THSD7B: variants seen among roughly 807,000 people sequenced by gnomAD.
The protein encoded by THSD7B is thrombospondin type-1 domain-containing protein 7B.
THSD7B carries 138 observed loss-of-function variants against 213.6 expected under a neutral mutation model. The observed-to-expected ratio is 0.65, with a 90% CI of 0.56 to 0.74. The LOEUF is 0.74. Ranked by LOEUF, THSD7B falls within the 30% of genes least tolerant of loss-of-function variation. The pLI is 0.00. For missense variants in THSD7B, 1,931 were observed against 1,991.5 expected, an observed-to-expected ratio of 0.97 and a Z score of 0.58; for synonymous variants, 742 against 687.0, an observed-to-expected ratio of 1.08 and a Z score of -1.25.
At chr2:137,334,277 C>T (rs1048115671) in intron 12 of THSD7B, among the ~76,000 whole-genome samples, 5 of 151,902 alleles carry the variant, frequency 3.3e-5, no homozygotes, top group Admixed American at 3.3e-4. Context: ...GAGAGAAGTA[C>T]ATTTGGCAAA....
At chr2:137,624,778 C>A (rs563759433) in intron 20 of THSD7B, among the ~76,000 whole-genome samples, 1 of 152,250 alleles carries the variant, frequency 6.6e-6, no homozygotes, top group East Asian at 1.9e-4. Context: ...CAATGAGATA[C>A]CATCTCACAC....
chr2:137,557,652 G>T (rs1573706902), intron 15 of THSD7B, among the ~76,000 whole-genome samples: 2 of 152,088 alleles, frequency 1.3e-5, no homozygotes, highest in African/African-American at 4.8e-5. Flanking sequence ...ACAATTAAAA[G>T]AACTAGAAAA....
chr2:137,585,923 G>C (rs547525586), intron 17 of THSD7B, among the ~76,000 whole-genome samples: 4 of 152,284 alleles, frequency 2.6e-5, no homozygotes, highest in Middle Eastern at 3.4e-3. Context: ...TCTGTCTAAT[G>C]TTGACAGTGG....
At position 137,667,517 on chromosome 2, in the gene THSD7B, A is replaced by G. The variant is rs116939802; in HGVS notation, c.4652-257A>G. On this transcript the variant is annotated intron_variant, in intron 26 of 27. Transcript: ENST00000409968. ...AACATTTAAGGTTTTTTTCATAGAC[A>G]TAATTTCTAGTAGGAAACCCGTATT... Among the ~76,000 whole-genome samples, 9 of 152,336 alleles carry G rather than the reference A, an allele frequency of 5.9e-5. No individual in the cohort carries two copies. In the East Asian group the frequency reaches 1.7e-3, roughly 29 times the overall value.
At chr2:137,376,612 C>A (rs1055698721) in intron 12 of THSD7B, among the ~76,000 whole-genome samples, 2 of 152,180 alleles carry the variant, frequency 1.3e-5, no homozygotes, top group Admixed American at 1.3e-4. Flanking sequence ...CATATTTATT[C>A]TTTCTACCTG....
intron 10 of THSD7B, among the ~76,000 whole-genome samples, chr2:137,263,524 C>A (rs1018782334): frequency 6.6e-6 from 1 of 151,980 alleles, no homozygotes; most frequent in Non-Finnish European, 1.5e-5. Context: ...GCTTCTGTTG[C>A]AAAATGAATG....
chr2:137,612,628 C>CA (rs1008780090), intron 17 of THSD7B, among the ~76,000 whole-genome samples: 2 of 151,990 alleles, frequency 1.3e-5, no homozygotes, highest in African/African-American at 2.4e-5. Context: ...AGTTCTATTG[C>CA]AAAAAATCCT....
intron 4 of THSD7B, among the ~76,000 whole-genome samples, chr2:137,110,477 G>T (rs970755726): frequency 6.6e-6 from 1 of 152,134 alleles, no homozygotes; most frequent in Non-Finnish European, 1.5e-5. Context: ...TGAGTTATTA[G>T]CATTCCCTTT....
chr2:137,604,394 G>C (rs6430733), intron 17 of THSD7B, among the ~76,000 whole-genome samples: 43,124 of 151,900 alleles, frequency 0.28, 6,585 homozygotes, highest in South Asian at 0.41. Context: ...CTCTATAGCA[G>C]CAGTTTTGAG....
intron 1 of THSD7B, among the ~76,000 whole-genome samples, chr2:136,860,380 A>G (rs1019278658): frequency 6.6e-6 from 1 of 152,098 alleles, no homozygotes; most frequent in African/African-American, 2.4e-5. Flanking sequence ...GCTGTCCTCT[A>G]AACTCCAGGC....
chr2:137,462,432 G>A (rs542772705), intron 15 of THSD7B, among the ~76,000 whole-genome samples: 4 of 152,146 alleles, frequency 2.6e-5, no homozygotes, highest in East Asian at 3.9e-4. Context: ...CCAAGTAGCC[G>A]TCAAATGCTG....
At chr2:137,254,318 T>C (rs1682255447) in intron 10 of THSD7B, among the ~76,000 whole-genome samples, 2 of 152,212 alleles carry the variant, frequency 1.3e-5, no homozygotes, top group African/African-American at 4.8e-5. Flanking sequence ...ATCTAAAATA[T>C]GTTTGTCATA....
At chr2:137,216,898 C>T (rs1459985896) in intron 7 of THSD7B, among the ~76,000 whole-genome samples, 1 of 152,116 alleles carries the variant, frequency 6.6e-6, no homozygotes, top group Admixed American at 6.5e-5. Flanking sequence ...GCCTAGTTGT[C>T]TATGGGCAAG....
At chr2:137,557,603 G>A (rs1681005603) in intron 15 of THSD7B, among the ~76,000 whole-genome samples, 1 of 152,026 alleles carries the variant, frequency 6.6e-6, no homozygotes, top group African/African-American at 2.4e-5. Context: ...ATGCCCACAA[G>A]AGAAAGCAGG....
chr2:136,835,420 C>A (rs994496081), intron 1 of THSD7B, among the ~76,000 whole-genome samples: 2 of 151,934 alleles, frequency 1.3e-5, no homozygotes, highest in Admixed American at 6.6e-5. Context: ...GGAGTGTTGA[C>A]AAACTTTTAA....
chr2:137,103,896 G>C (rs1339749292), intron 4 of THSD7B, among the ~76,000 whole-genome samples: 1 of 152,098 alleles, frequency 6.6e-6, no homozygotes, highest in Non-Finnish European at 1.5e-5. Flanking sequence ...CAAGTACTTA[G>C]AGACCTACAA....
intron 2 of THSD7B, among the ~76,000 whole-genome samples, chr2:136,943,855 G>A (rs1009643089): frequency 4.6e-5 from 7 of 152,020 alleles, no homozygotes; most frequent in African/African-American, 1.7e-4. Context: ...TTGATTTTTT[G>A]AAGGGTTTTT....
At chr2:137,133,749 C>T (rs1688782716) in intron 5 of THSD7B, among the ~76,000 whole-genome samples, 2 of 152,242 alleles carry the variant, frequency 1.3e-5, no homozygotes, top group South Asian at 4.1e-4. Context: ...TATTTTGTTT[C>T]ACCAAATATA....
At chr2:137,663,761 G>T (rs1194250622) in intron 26 of THSD7B, among the ~76,000 whole-genome samples, 186 bp downstream of exon 26, 1 of 152,212 alleles carries the variant, frequency 6.6e-6, no homozygotes, top group African/African-American at 2.4e-5. Flanking sequence ...TAAGTGTACA[G>T]TGTTTTCATG....
Sources: gnomAD v4.1 joint callset for allele counts (sites outside exome capture counted in the v4.1 genomes callset) on GRCh38, gnomAD v4.1.1 for gene constraint, MANE v1.5 for transcripts, NCBI Gene and HGNC (gene_info 2026-07-23, HGNC 2026-07-21) for gene names.